Variants in TRPM3 observed in about 807,000 individuals in gnomAD.
The protein encoded by TRPM3 is transient receptor potential cation channel subfamily M member 3.
A neutral mutation model predicts 181.2 loss-of-function variants in TRPM3; 77 were observed. That is an observed-to-expected ratio of 0.42 (90% CI 0.35 to 0.51). The LOEUF is 0.51. TRPM3 is among the 20% of genes least tolerant of loss of function. The pLI, the probability that TRPM3 is intolerant of heterozygous loss-of-function variation, is 0.01. For missense variants in TRPM3, 1,759 were observed against 2,196.7 expected, an observed-to-expected ratio of 0.80 and a Z score of 3.98; for synonymous variants, 745 against 796.4, an observed-to-expected ratio of 0.94 and a Z score of 1.09.
chr9:70,592,963 C>T (rs1361496629), intron 21 of TRPM3, among the ~76,000 whole-genome samples: 1 of 152,154 alleles, frequency 6.6e-6, no homozygotes, highest in Non-Finnish European at 1.5e-5. Flanking sequence ...AACTCCTGAA[C>T]TTGTGAGCCA....
At chr9:70,873,354 G>C (rs765036088) in intron 1 of TRPM3, among the ~76,000 whole-genome samples, 28 of 151,970 alleles carry the variant, frequency 1.8e-4, no homozygotes, top group Non-Finnish European at 1.3e-4. Flanking sequence ...ACAATCAATG[G>C]TGCCATCCCC....
chr9:70,929,390 C>T (rs1184945187), intron 1 of TRPM3, among the ~76,000 whole-genome samples: 2 of 151,978 alleles, frequency 1.3e-5, no homozygotes, highest in Admixed American at 1.3e-4. Flanking sequence ...TTAGTAGAGA[C>T]GGAGTTTCAC....
At chr9:70,916,626 G>A (rs1040829802) in intron 1 of TRPM3, among the ~76,000 whole-genome samples, 2 of 152,044 alleles carry the variant, frequency 1.3e-5, no homozygotes, top group African/African-American at 4.8e-5. Context: ...GTCCATTCAT[G>A]TGTATGAATA....
chr9:70,802,502 G>C (rs1241684743), intron 6 of TRPM3, among the ~76,000 whole-genome samples: 1 of 152,132 alleles, frequency 6.6e-6, no homozygotes, highest in South Asian at 2.1e-4. Flanking sequence ...GTTCACCTCT[G>C]GGTTTAATGT....
chr9:71,179,698 A>AG (rs1365972094), intron 1 of TRPM3, among the ~76,000 whole-genome samples: 1 of 152,150 alleles, frequency 6.6e-6, no homozygotes, highest in Non-Finnish European at 1.5e-5. Context: ...TGTGATTTGT[A>AG]GGGGGCCAGC....
chr9:71,010,441 T>A (rs536734891), intron 1 of TRPM3, among the ~76,000 whole-genome samples: 4 of 151,776 alleles, frequency 2.6e-5, no homozygotes, highest in East Asian at 1.9e-4. Flanking sequence ...AATAATCCAT[T>A]TGAAAAATGC....
chr9:70,924,844 C>T (rs974420590), intron 1 of TRPM3, among the ~76,000 whole-genome samples: 1 of 152,140 alleles, frequency 6.6e-6, no homozygotes, highest in Non-Finnish European at 1.5e-5. Flanking sequence ...ACCTTACCCC[C>T]AACAACCATC....
At chr9:71,108,402 C>A (rs953688420) in intron 1 of TRPM3, among the ~76,000 whole-genome samples, 4 of 152,106 alleles carry the variant, frequency 2.6e-5, no homozygotes, top group African/African-American at 9.7e-5. Flanking sequence ...CTAAGAGAGG[C>A]TGCTCCCCTG....
intron 1 of TRPM3, among the ~76,000 whole-genome samples, chr9:71,344,454 A>G (rs2091172499): frequency 6.6e-6 from 1 of 152,170 alleles, no homozygotes; most frequent in Non-Finnish European, 1.5e-5. Flanking sequence ...CCATCTCAAA[A>G]AAAAAAAATT....
chr9:71,426,124 A>G (rs1373679690), intron 1 of TRPM3, among the ~76,000 whole-genome samples: 3 of 152,120 alleles, frequency 2.0e-5, no homozygotes, highest in Non-Finnish European at 4.4e-5. Context: ...GTCTCCCACT[A>G]GACTGTGATC....
intron 8 of TRPM3, among the ~76,000 whole-genome samples, chr9:70,685,660 G>A (rs1471151197): frequency 6.6e-6 from 1 of 152,066 alleles, no homozygotes; most frequent in Admixed American, 6.6e-5. Context: ...TCACACCTTG[G>A]CCTCTCAAAG....
At chr9:70,762,496 A>T (rs999909468) in intron 7 of TRPM3, among the ~76,000 whole-genome samples, 4 of 152,196 alleles carry the variant, frequency 2.6e-5, no homozygotes, top group Admixed American at 2.0e-4. Flanking sequence ...TTTCTCTACT[A>T]GCCATTAAAT....
chr9:70,638,725 C>G (rs2057606904), intron 11 of TRPM3, among the ~76,000 whole-genome samples: 1 of 152,178 alleles, frequency 6.6e-6, no homozygotes, highest in Non-Finnish European at 1.5e-5. Flanking sequence ...TAAACCAACC[C>G]TCCTTTGCTA....
At chr9:71,010,892 G>C (rs915128489) in intron 1 of TRPM3, among the ~76,000 whole-genome samples, 2 of 149,986 alleles carry the variant, frequency 1.3e-5, no homozygotes, top group Admixed American at 1.3e-4. Context: ...CCCAACAACA[G>C]ATGACTTTAT....
At chr9:70,842,114 C>A (rs1309286227) in intron 5 of TRPM3, among the ~76,000 whole-genome samples, 1 of 152,124 alleles carries the variant, frequency 6.6e-6, no homozygotes, top group African/African-American at 2.4e-5. Context: ...TGTTTCATGA[C>A]ATTTAGTTTT....
intron 1 of TRPM3, among the ~76,000 whole-genome samples, chr9:70,913,935 G>C (rs2096564251): frequency 6.6e-6 from 1 of 152,120 alleles, no homozygotes; most frequent in East Asian, 1.9e-4. Flanking sequence ...GAAAAGATCA[G>C]GTCAAAGAAT....
intron 1 of TRPM3, among the ~76,000 whole-genome samples, chr9:70,884,450 C>G (rs1203849901): frequency 6.6e-6 from 1 of 152,204 alleles, no homozygotes; most frequent in South Asian, 2.1e-4. Context: ...TGAGAATGCG[C>G]TGACCAGGCA....
At chr9:70,685,524 G>GC (rs1252986636) in intron 8 of TRPM3, among the ~76,000 whole-genome samples, 1 of 152,106 alleles carries the variant, frequency 6.6e-6, no homozygotes, top group African/African-American at 2.4e-5. Flanking sequence ...TCCCACCTCA[G>GC]CCTCCTGAGT....
intron 22 of TRPM3, among the ~76,000 whole-genome samples, chr9:70,564,350 A>G (rs565576439): frequency 3.3e-5 from 5 of 152,104 alleles, no homozygotes; most frequent in African/African-American, 7.2e-5. Context: ...GCAACAATAC[A>G]CCTTTCTGAG....
Sources: gnomAD v4.1 joint callset for allele counts (sites outside exome capture counted in the v4.1 genomes callset) on GRCh38, gnomAD v4.1.1 for gene constraint, MANE v1.5 for transcripts, NCBI Gene and HGNC (gene_info 2026-07-23, HGNC 2026-07-21) for gene names.